Variants in RPGRIP1L observed in about 807,000 individuals in gnomAD.
The protein encoded by RPGRIP1L is RPGRIP1 like, also known as protein fantom.
A neutral mutation model predicts 160.4 loss-of-function variants in RPGRIP1L; 131 were observed. That is an observed-to-expected ratio of 0.82 (90% CI 0.71 to 0.94). RPGRIP1L has a LOEUF of 0.94. Ranked by LOEUF, RPGRIP1L falls within the 40% of genes least tolerant of loss-of-function variation. RPGRIP1L has a pLI of 0.00. For synonymous variants in RPGRIP1L, 510 were observed against 515.8 expected (o/e 0.99, Z 0.15); for missense variants, 1,522 against 1,535.8 (o/e 0.99, Z 0.15).
Position 53,664,855 on chromosome 16 carries a change from T to C in RPGRIP1L, c.1243+15A>G, listed in dbSNP as rs2151198043. 1.9e-6 allele frequency: 3 copies of C among 1,607,632 alleles called. No homozygotes were observed. In the East Asian group the frequency reaches 6.7e-5, roughly 36 times the overall value. ...ATGTCTGAAATGAGTAAGGCAGTGG[T>C]TATTTCAAATGTACCTCTTTCAGTT... is the stretch of plus-strand genomic sequence containing the variant. On this transcript the variant is annotated intron_variant, in intron 10 of 26. Coordinates refer to ENST00000647211, the MANE Select transcript of RPGRIP1L (RefSeq NM_015272.5).
chr16:53,654,381 C>T (rs866468678), intron 14 of RPGRIP1L, among the ~76,000 whole-genome samples: 2 of 152,096 alleles, frequency 1.3e-5, no homozygotes, highest in South Asian at 2.1e-4. Context: ...TACTGCAATA[C>T]GTCATATTTA....
chr16:53,653,796 C>A (rs1276023547), intron 14 of RPGRIP1L, among the ~76,000 whole-genome samples: 2 of 152,170 alleles, frequency 1.3e-5, no homozygotes, highest in African/African-American at 4.8e-5. Context: ...ATCTCATCAA[C>A]TTTTATGACT....
chr16:53,685,415 T>C (rs562030458), intron 6 of RPGRIP1L, among the ~76,000 whole-genome samples: 7 of 152,308 alleles, frequency 4.6e-5, no homozygotes, highest in South Asian at 4.1e-4. Context: ...CGTATGTTCA[T>C]TGAGTACCAG....
intron 22 of RPGRIP1L, among the ~76,000 whole-genome samples, chr16:53,624,840 G>A (rs908385045): frequency 2.8e-5 from 4 of 141,378 alleles, no homozygotes; most frequent in Admixed American, 7.5e-5. Flanking sequence ...GTACTGCCGC[G>A]ATCTCGGCTC....
In RPGRIP1L at chr16:53,600,197, A is replaced by G. The variant is rs1006355446; in HGVS notation, c.*1879T>C. 3 of 152,636 alleles carry G rather than the reference A, an allele frequency of 2.0e-5. No individual in the cohort carries two copies. Among genetic ancestry groups the G allele is most frequent in the African/African-American group, 7.2e-5 (3 of 41,446 alleles). 9.5% of individuals were successfully genotyped at this position (152,636 alleles called of 1,614,324 possible). A position where few individuals can be genotyped will look rare whatever the true frequency, so the allele number is the denominator to read the frequency against. On this transcript the variant is annotated 3_prime_UTR_variant, in exon 27 of 27. Transcript: ENST00000647211. ...AAAACCACTCAGTTAATCCCAGGGT[A>G]TAATCTGGCTGTTTTAAATTACTGC...
In RPGRIP1L at chr16:53,645,685, TA is replaced by T; in HGVS notation, c.2622del (p.Asn874LysfsTer4). On this transcript the variant is annotated frameshift_variant, in exon 17 of 27. Transcript: ENST00000647211. LOFTEE classifies it high-confidence loss of function. Reference protein sequence around the residue: ...YVFDDSDTQENIYIGKVNVPL... With the variant: ...YVFDDSDTQEXIYIGKVNVPL... ...GGCACATTGACTTTTCCTATGTAAATATTCTCCTGGGTATCACTATCATCAA... is the reference window on the plus strand; with the variant it reads ...GGCACATTGACTTTTCCTATGTAAATTTCTCCTGGGTATCACTATCATCAA... 6.2e-7 allele frequency: 1 copy of T among 1,614,072 alleles called. No individual in the cohort carries two copies. The highest frequency in any genetic ancestry group is 8.5e-7 in the Non-Finnish European group (1 of 1,179,954).
intron 6 of RPGRIP1L, among the ~76,000 whole-genome samples, chr16:53,677,621 T>C (rs1451066656): frequency 1.3e-5 from 2 of 152,066 alleles, no homozygotes; most frequent in Non-Finnish European, 2.9e-5. Context: ...AGACGAAATA[T>C]GGTACAAGAA....
At chr16:53,664,514 T>A (rs1370096627) in intron 10 of RPGRIP1L, among the ~76,000 whole-genome samples, 2 of 152,190 alleles carry the variant, frequency 1.3e-5, no homozygotes, top group Non-Finnish European at 2.9e-5. Context: ...AGACTTTTGT[T>A]TCTATTCATT....
intron 4 of RPGRIP1L, 147 bp from the exon 5 acceptor site, chr16:53,688,112 C>T: frequency 1.7e-6 from 1 of 602,648 alleles, no homozygotes; most frequent in Non-Finnish European, 2.9e-6. Context: ...AAATACACTG[C>T]CAAAGGGAAT....
chr16:53,622,022 CAAAAAAAAAAAA>C (rs36057385), intron 23 of RPGRIP1L, among the ~76,000 whole-genome samples, 185 bp downstream of exon 23: 3 of 24,134 alleles, frequency 1.2e-4, no homozygotes, highest in Non-Finnish European at 2.3e-4. Flanking sequence ...GACTCCGTCT[CAAAAAAAAAAAA>C]AAAAAAAAAA....
chr16:53,629,261 C>T (rs181540096), intron 22 of RPGRIP1L, among the ~76,000 whole-genome samples: 134 of 152,242 alleles, frequency 8.8e-4, no homozygotes, highest in African/African-American at 2.9e-3. Flanking sequence ...GCTCCCCAGA[C>T]GATTCTCATG....
intron 16 of RPGRIP1L, among the ~76,000 whole-genome samples, chr16:53,647,415 C>T (rs1181610104): frequency 6.6e-6 from 1 of 152,134 alleles, no homozygotes; most frequent in Non-Finnish European, 1.5e-5. Flanking sequence ...CCATTTTTTT[C>T]TGTATGTTTG....
At chr16:53,654,127 C>T (rs1188040408) in intron 14 of RPGRIP1L, among the ~76,000 whole-genome samples, 5 of 152,128 alleles carry the variant, frequency 3.3e-5, no homozygotes, top group Non-Finnish European at 4.4e-5. Flanking sequence ...CCACACTCGG[C>T]TAATTTTTAA....
In RPGRIP1L at chr16:53,692,256, C is replaced by T. The variant is rs1970436686; in HGVS notation, c.339G>A (p.Glu113=). ...GRDVEMEEMI[E]QLQEKVHELE... is the part of the protein sequence containing the mutation. Reference sequence around the variant, plus strand: ...GCTCATGAACTTTCTCTTGCAGCTGCTCAATCATTTCTTCCATTTCCACAT... The same window carrying T: ...GCTCATGAACTTTCTCTTGCAGCTGTTCAATCATTTCTTCCATTTCCACAT... The change falls in exon 4 of 27, where the codon GAG becomes GAA. Residue 113 remains glutamate (E), a synonymous_variant. Transcript: ENST00000647211. The T allele has an allele frequency of 6.2e-7, 1 of 1,614,178 alleles. No homozygotes were observed. Among genetic ancestry groups the T allele is most frequent in the Non-Finnish European group, 8.5e-7 (1 of 1,180,032 alleles).
intron 24 of RPGRIP1L, among the ~76,000 whole-genome samples, chr16:53,613,648 T>C (rs936427195): frequency 1.4e-4 from 22 of 152,166 alleles, no homozygotes; most frequent in African/African-American, 5.3e-4. Flanking sequence ...TAAACATCCT[T>C]ACCATTGAAA....
At chr16:53,646,842 G>GA (rs1472256486) in intron 16 of RPGRIP1L, among the ~76,000 whole-genome samples, 1 of 152,126 alleles carries the variant, frequency 6.6e-6, no homozygotes, top group Non-Finnish European at 1.5e-5. Flanking sequence ...ATTGGAGGAG[G>GA]AAAAAATAAA....
chr16:53,641,842 G>C (rs548693942), intron 17 of RPGRIP1L, among the ~76,000 whole-genome samples: 28 of 152,250 alleles, frequency 1.8e-4, no homozygotes, highest in African/African-American at 6.7e-4. Flanking sequence ...GAAGGCTCAA[G>C]TATCCTCCAT....
chr16:53,631,886 T>C (rs1965543204), intron 22 of RPGRIP1L, among the ~76,000 whole-genome samples: 1 of 152,200 alleles, frequency 6.6e-6, no homozygotes, highest in Admixed American at 6.5e-5. Context: ...GCAAATTGGG[T>C]GGCACATTAT....
chr16:53,622,188 C>A (rs1293837138), intron 23 of RPGRIP1L, 31 bp downstream of exon 23: 4 of 640,068 alleles, frequency 6.2e-6, no homozygotes, highest in Non-Finnish European at 1.1e-5. Flanking sequence ...CATAGTGAAA[C>A]CCCGTCTCTG....
Sources: allele counts gnomAD v4.1 joint callset (sites outside exome capture counted in the v4.1 genomes callset), GRCh38; gene constraint gnomAD v4.1.1; transcripts MANE v1.5; gene names NCBI Gene and HGNC (gene_info 2026-07-23, HGNC 2026-07-21).